Variants in TANC1 observed in about 807,000 individuals in gnomAD.
The protein encoded by TANC1 is protein TANC1.
Under a neutral mutation model 149.7 loss-of-function variants are expected in TANC1, and 77 were observed. That is an observed-to-expected ratio of 0.51 (90% CI 0.43 to 0.62). The LOEUF is 0.62. Among genes scored for constraint, TANC1 ranks in the 20% least tolerant of loss-of-function variants. TANC1 has a pLI of 0.00. For synonymous variants in TANC1, 854 were observed against 925.0 expected, an observed-to-expected ratio of 0.92 and a Z score of 1.39; for missense variants, 1,985 against 2,321.8, an observed-to-expected ratio of 0.85 and a Z score of 2.98.
intron 19 of TANC1, among the ~76,000 whole-genome samples, chr2:159,213,417 AC>A (rs1281311728): frequency 2.9e-5 from 4 of 139,646 alleles, no homozygotes; most frequent in African/African-American, 1.1e-4. Flanking sequence ...AGGTATGGGA[AC>A]CCCCCCACCT....
intron 7 of TANC1, among the ~76,000 whole-genome samples, chr2:159,160,442 G>A (rs939839808): frequency 2.6e-5 from 4 of 152,120 alleles, no homozygotes; most frequent in African/African-American, 9.7e-5. Flanking sequence ...TTAGGAGTTT[G>A]AATTTCTGTA....
rs896386628 is a variant in TANC1, at chr2:159,069,119, C to CT, written c.61+3154dup. 2.0e-4 allele frequency among the ~76,000 whole-genome samples: 30 copies of CT among 152,318 alleles called. No homozygotes were observed. The Middle Eastern group carries it at 0.02, about 104-fold the overall frequency. On this transcript the variant is annotated intron_variant, in intron 3 of 26. Coordinates refer to ENST00000263635, the MANE Select transcript of TANC1 (RefSeq NM_033394.3). ...AAACTCAAAATAGCAGAATTCCTCT[C>CT]TTTTTTGTGATTATGCATTTTTACC...
chr2:159,229,589 C>A lies in TANC1; in HGVS notation c.4163C>A (p.Ala1388Glu), dbSNP rs772008009. The change falls in exon 27 of 27, where the codon GCA becomes GAA. Residue 1388 changes from alanine (A) to glutamate (E), a missense_variant. Coordinates refer to ENST00000263635, the MANE Select transcript of TANC1 (RefSeq NM_033394.3). ...ATTTTCCTACAAAGGCAATTCGTGG[C>A]AGCTCTGGCTGACCTGCAAGAGGCT... ...RAKRNSRQFV[A>E]ALADLQEAVK... is the part of the protein sequence containing the mutation. The A allele has an allele frequency of 3.1e-6, 5 of 1,611,782 alleles. No individual in the cohort carries two copies. In the Admixed American group the frequency reaches 5.1e-5, roughly 16 times the overall value.
chr2:159,109,482 T>G (rs773584814), intron 4 of TANC1, among the ~76,000 whole-genome samples: 1 of 152,234 alleles, frequency 6.6e-6, no homozygotes, highest in Non-Finnish European at 1.5e-5. Flanking sequence ...ATGGGATTAA[T>G]GCCCTTATAT....
chr2:159,133,227 C>T (rs139969264), intron 4 of TANC1, among the ~76,000 whole-genome samples: 2 of 152,274 alleles, frequency 1.3e-5, no homozygotes, highest in African/African-American at 4.8e-5. Flanking sequence ...TTTACCTCCC[C>T]AGGTCCTTCA....
At chr2:159,011,702 A>T (rs914468178) in intron 2 of TANC1, among the ~76,000 whole-genome samples, 1 of 152,106 alleles carries the variant, frequency 6.6e-6, no homozygotes, top group Admixed American at 6.5e-5. Context: ...TGCCTGGTCA[A>T]ATTGCACCTT....
chr2:159,219,541 C>A, intron 21 of TANC1, 151 bp from the exon 22 acceptor site: 1 of 1,249,928 alleles, frequency 8.0e-7, no homozygotes, highest in Non-Finnish European at 1.1e-6. Flanking sequence ...GCAGCGATGA[C>A]CATTCTGCCA....
At chr2:158,977,355 G>T (rs1490850536) in intron 1 of TANC1, among the ~76,000 whole-genome samples, 7 of 152,002 alleles carry the variant, frequency 4.6e-5, no homozygotes, top group Non-Finnish European at 8.8e-5. Context: ...CTGTTGCCCA[G>T]GTTGGAGTGC....
At chr2:158,993,302 C>T (rs1203669940) in intron 1 of TANC1, among the ~76,000 whole-genome samples, 1 of 152,126 alleles carries the variant, frequency 6.6e-6, no homozygotes, top group Non-Finnish European at 1.5e-5. Flanking sequence ...CTCGTTCTGT[C>T]AGGCAGGAGT....
chr2:159,187,084 C>T (rs1297542762), intron 16 of TANC1, 60 bp downstream of exon 16: 1 of 1,591,536 alleles, frequency 6.3e-7, no homozygotes, highest in Non-Finnish European at 8.6e-7. Flanking sequence ...CTGGCCGTTC[C>T]TCCAACAGCC....
At chr2:159,069,935 G>A (rs2043002192) in intron 3 of TANC1, among the ~76,000 whole-genome samples, 2 of 151,684 alleles carry the variant, frequency 1.3e-5, no homozygotes, top group African/African-American at 4.8e-5. Flanking sequence ...TTTTTGTGGG[G>A]TTTTGTTGCT....
chr2:159,096,253 A>G (rs1225612335), intron 3 of TANC1, among the ~76,000 whole-genome samples: 3 of 150,346 alleles, frequency 2.0e-5, no homozygotes, highest in Admixed American at 1.3e-4. Context: ...AGAAGCAGTC[A>G]GAGGAAAATG....
chr2:159,018,746 C>T (rs370172131), intron 2 of TANC1, among the ~76,000 whole-genome samples: 76 of 151,382 alleles, frequency 5.0e-4, no homozygotes, highest in African/African-American at 1.8e-3. Flanking sequence ...CATATTCGTC[C>T]CTTTGTGTCT....
At chr2:159,219,113 C>T (rs534510850) in intron 20 of TANC1, 125 bp from the exon 21 acceptor site, 3 of 1,320,712 alleles carry the variant, frequency 2.3e-6, no homozygotes, top group Admixed American at 1.8e-5. Context: ...CCATGGTTCA[C>T]ACAACTTACA....
chr2:159,062,952 C>A (rs1216648594), intron 2 of TANC1, among the ~76,000 whole-genome samples: 1 of 84,760 alleles, frequency 1.2e-5, no homozygotes, highest in African/African-American at 4.0e-5. Context: ...CCGGCCTGGG[C>A]GACAGAGCGA....
chr2:159,008,776 A>C (rs757426572), intron 2 of TANC1, among the ~76,000 whole-genome samples: 1 of 152,072 alleles, frequency 6.6e-6, no homozygotes, highest in Non-Finnish European at 1.5e-5. Flanking sequence ...TTCAGCGATA[A>C]ATTCTTTAAT....
intron 17 of TANC1, 75 bp from the exon 18 acceptor site, chr2:159,196,533 C>T (rs2057863725): frequency 1.5e-6 from 2 of 1,343,006 alleles, no homozygotes; most frequent in South Asian, 1.4e-5. Context: ...GGTTTGCACA[C>T]AGCTAGGTGG....
At chr2:159,137,508 A>G (rs553687075) in intron 5 of TANC1, among the ~76,000 whole-genome samples, 7 of 152,220 alleles carry the variant, frequency 4.6e-5, no homozygotes, top group Non-Finnish European at 1.0e-4. Context: ...TTGAGGGAAG[A>G]GGATTTGAGC....
intron 5 of TANC1, among the ~76,000 whole-genome samples, chr2:159,137,133 C>A (rs1194198655): frequency 6.6e-6 from 1 of 152,194 alleles, no homozygotes; most frequent in Non-Finnish European, 1.5e-5. Flanking sequence ...GAGAACTCAA[C>A]CATATTTTTA....
Sources: allele counts gnomAD v4.1 joint callset (sites outside exome capture counted in the v4.1 genomes callset), GRCh38; gene constraint gnomAD v4.1.1; transcripts MANE v1.5; gene names NCBI Gene and HGNC (gene_info 2026-07-23, HGNC 2026-07-21).